SLC14A2: variants seen among roughly 807,000 people sequenced by gnomAD.
The protein encoded by SLC14A2 is solute carrier family 14 member 2, also known as urea transporter 2.
A neutral mutation model predicts 104.6 loss-of-function variants in SLC14A2; 91 were observed. The ratio of observed to expected loss-of-function variants is 0.87; its 90% CI spans 0.73 to 1.04. The LOEUF (loss-of-function observed/expected upper bound fraction) is 1.04. Among genes scored for constraint, SLC14A2 ranks in the 50% least tolerant of loss-of-function variants. The probability of loss-of-function intolerance (pLI) is 0.00; values close to 1 mark genes in which losing one functional copy is unlikely to be tolerated. For missense variants in SLC14A2, 1,189 were observed against 1,156.0 expected (o/e 1.03, Z -0.41); for synonymous variants, 476 against 466.4 (o/e 1.02, Z -0.27).
chr18:45,186,722 T>C, the SLC14A2 span, among the ~76,000 whole-genome samples: 1 of 152,164 alleles, frequency 6.6e-6, no homozygotes, highest in Non-Finnish European at 1.5e-5. Flanking sequence ...GTATACACCA[T>C]TACAGTCATA....
At chr18:45,428,170 GT>G (rs2144541672) in intron 1 of SLC14A2, among the ~76,000 whole-genome samples, 1 of 152,304 alleles carries the variant, frequency 6.6e-6, no homozygotes, top group South Asian at 2.1e-4. Context: ...TCTTCTGGAA[GT>G]TATGTCATTG....
chr18:45,548,671 T>C (rs567101834), intron 2 of SLC14A2, among the ~76,000 whole-genome samples: 2 of 152,296 alleles, frequency 1.3e-5, no homozygotes, highest in East Asian at 3.9e-4. Flanking sequence ...GCCACTGCAC[T>C]CCAGCCTGGG....
rs571859062 is a variant in SLC14A2, at chr18:45,620,154, C to G, written c.-34-4477C>G. On this transcript the variant is annotated intron_variant, in intron 1 of 19. Transcript: ENST00000255226. ...AACGCTGTATTCCCTAGAGGAGGTG[C>G]AAGGCCCTGTTCCTGCAGAGGATAC... Among the ~76,000 whole-genome samples, 7 of 152,296 alleles carry G rather than the reference C, an allele frequency of 4.6e-5. No homozygotes were observed. The South Asian group carries it at 1.5e-3, about 32-fold the overall frequency.
At chr18:45,625,593 AT>A (rs2045244478) in intron 2 of SLC14A2, 89 bp from the exon 3 acceptor site, 2 of 1,064,746 alleles carry the variant, frequency 1.9e-6, no homozygotes, top group African/African-American at 3.3e-5. Flanking sequence ...CTTTATTTTT[AT>A]CAAAAAACCT....
chr18:45,307,808 T>C (rs1219431857), intron 1 of SLC14A2, among the ~76,000 whole-genome samples: 2 of 152,260 alleles, frequency 1.3e-5, no homozygotes, highest in African/African-American at 4.8e-5. Flanking sequence ...ATTTATTGAA[T>C]GCTATATTAG....
At chr18:45,175,055 C>G in the SLC14A2 span, among the ~76,000 whole-genome samples, 1 of 152,204 alleles carries the variant, frequency 6.6e-6, no homozygotes, top group East Asian at 1.9e-4. Context: ...CGATGAAGGG[C>G]AATTTGGTGA....
chr18:45,553,077 T>C (rs2044078623), intron 2 of SLC14A2, among the ~76,000 whole-genome samples: 1 of 152,132 alleles, frequency 6.6e-6, no homozygotes, highest in African/African-American at 2.4e-5. Context: ...GGTGACAGGG[T>C]AGATCAGGGG....
At chr18:45,626,220 G>A (rs1056304263) in intron 3 of SLC14A2, among the ~76,000 whole-genome samples, 1 of 152,152 alleles carries the variant, frequency 6.6e-6, no homozygotes, top group African/African-American at 2.4e-5. Flanking sequence ...TCCTTCACTC[G>A]ATTCACTTGT....
At position 45,327,408 on chromosome 18, in the gene SLC14A2, A is replaced by T. The variant is rs74692514; in HGVS notation, c.-125+114217A>T. On this transcript the variant is annotated intron_variant, in intron 1 of 20. Transcript: ENST00000586448. ...TGTACCATGCTAAATGAGACAGCTC[A>T]GTGGCATTAAGTACATTCGCAATGC... is the stretch of plus-strand genomic sequence containing the variant. Among the ~76,000 whole-genome samples the T allele has an allele frequency of 5.7e-3, 875 of 152,312 alleles. 7 individuals are homozygous for T. Among genetic ancestry groups the T allele is most frequent in the African/African-American group, 0.02 (822 of 41,566 alleles).
chr18:45,453,220 A>G (rs983200852), intron 1 of SLC14A2, among the ~76,000 whole-genome samples: 29 of 151,678 alleles, frequency 1.9e-4, no homozygotes, highest in African/African-American at 6.8e-4. Flanking sequence ...TGTCCCCAAA[A>G]CTCTCACCAT....
chr18:45,609,078 C>G (rs2044925122), intron 2 of SLC14A2, among the ~76,000 whole-genome samples: 1 of 152,198 alleles, frequency 6.6e-6, no homozygotes. Flanking sequence ...ACCAGGGAGT[C>G]TTTGGAGGCT....
chr18:45,653,093 G>A (rs1193243203), intron 10 of SLC14A2, among the ~76,000 whole-genome samples: 2 of 152,008 alleles, frequency 1.3e-5, no homozygotes, highest in Non-Finnish European at 2.9e-5. Context: ...CAAGGACTGA[G>A]CCAACAGACC....
intron 2 of SLC14A2, among the ~76,000 whole-genome samples, chr18:45,534,838 G>A (rs1022075855): frequency 9.8e-5 from 15 of 152,320 alleles, no homozygotes; most frequent in East Asian, 3.9e-4. Context: ...TCAGTTAATG[G>A]TAGATTATTT....
intron 1 of SLC14A2, among the ~76,000 whole-genome samples, chr18:45,233,498 G>A (rs1465690396): frequency 6.6e-6 from 1 of 152,042 alleles, no homozygotes; most frequent in African/African-American, 2.4e-5. Context: ...AAACAAAAAA[G>A]TCCCCTATTT....
chr18:45,507,933 G>A lies in SLC14A2; in HGVS notation c.-35+24611G>A, dbSNP rs147925076. Among the ~76,000 whole-genome samples, 208 of 152,278 alleles carry A rather than the reference G, an allele frequency of 1.4e-3. 1 individual carries two copies. The Middle Eastern group carries it at 0.031, about 22-fold the overall frequency. On this transcript the variant is annotated intron_variant, in intron 2 of 20. Transcript: ENST00000586448. ...CAACTAGAAAAACATGGCAATCTGGGGCCATCTGGCAATGGGGCAAATATC... is the reference window on the plus strand; with the variant it reads ...CAACTAGAAAAACATGGCAATCTGGAGCCATCTGGCAATGGGGCAAATATC...
intron 1 of SLC14A2, among the ~76,000 whole-genome samples, chr18:45,290,822 T>G (rs1201279241): frequency 1.3e-5 from 2 of 152,206 alleles, no homozygotes; most frequent in Non-Finnish European, 2.9e-5. Context: ...ATTTCATATG[T>G]GGGTTGCATT....
intron 16 of SLC14A2, among the ~76,000 whole-genome samples, chr18:45,671,090 A>G (rs539929020): frequency 1.4e-4 from 22 of 152,310 alleles, no homozygotes; most frequent in South Asian, 6.2e-4. Context: ...AGTCTACCCA[A>G]TTAATATCTT....
At chr18:45,532,780 T>G (rs1247834578) in intron 2 of SLC14A2, among the ~76,000 whole-genome samples, 1 of 152,234 alleles carries the variant, frequency 6.6e-6, no homozygotes, top group African/African-American at 2.4e-5. Context: ...TCTGCTAGTT[T>G]TCAAAGGGAA....
chr18:45,602,776 T>G (rs757436229), intron 2 of SLC14A2, among the ~76,000 whole-genome samples: 2 of 152,222 alleles, frequency 1.3e-5, no homozygotes, highest in African/African-American at 2.4e-5. Flanking sequence ...CTTGTGTGCT[T>G]TCTTCAAAGC....
Sources: allele counts gnomAD v4.1 joint callset (sites outside exome capture counted in the v4.1 genomes callset), GRCh38; gene constraint gnomAD v4.1.1; transcripts MANE v1.5; gene names NCBI Gene and HGNC (gene_info 2026-07-23, HGNC 2026-07-21).